The following ABCC4 variants were observed in gnomAD, a reference collection of about 807,000 sequenced individuals.
The protein encoded by ABCC4 is ATP binding cassette subfamily C member 4 (PEL blood group), also known as ATP-binding cassette sub-family C member 4.
Under a neutral mutation model 168.5 loss-of-function variants are expected in ABCC4, and 102 were observed. That is an observed-to-expected ratio of 0.61 (90% CI 0.52 to 0.71). The LOEUF (loss-of-function observed/expected upper bound fraction) is 0.71, where lower values mean the gene tolerates loss of function less well. ABCC4 is among the 30% of genes least tolerant of loss of function. ABCC4 has a pLI of 0.00. For missense variants in ABCC4, 1,402 were observed against 1,605.8 expected, an observed-to-expected ratio of 0.87 and a Z score of 2.17; for synonymous variants, 617 against 590.7, an observed-to-expected ratio of 1.04 and a Z score of -0.65.
At chr13:95,090,155 T>C (rs751455517) in intron 20 of ABCC4, among the ~76,000 whole-genome samples, 16 of 152,086 alleles carry the variant, frequency 1.1e-4, no homozygotes, top group Non-Finnish European at 1.8e-4. Context: ...TGCCTAGCCC[T>C]GCCCCCACCT....
At chr13:95,108,034 C>T (rs967146219) in intron 20 of ABCC4, among the ~76,000 whole-genome samples, 1 of 152,116 alleles carries the variant, frequency 6.6e-6, no homozygotes, top group Non-Finnish European at 1.5e-5. Context: ...TCTCTGGTAC[C>T]TGGGTTTGAG....
intron 3 of ABCC4, among the ~76,000 whole-genome samples, chr13:95,235,749 T>C (rs2039748485): frequency 6.6e-6 from 1 of 152,116 alleles, no homozygotes; most frequent in Non-Finnish European, 1.5e-5. Flanking sequence ...TCCAGGCTCT[T>C]GGACCCACAG....
intron 19 of ABCC4, among the ~76,000 whole-genome samples, chr13:95,140,212 C>T (rs916193223): frequency 3.9e-5 from 6 of 152,200 alleles, no homozygotes; most frequent in Non-Finnish European, 5.9e-5. Flanking sequence ...CGGGGCTCTA[C>T]GTTTCCTCAA....
intron 30 of ABCC4, 107 bp from the exon 31 acceptor site, chr13:95,021,789 T>A: frequency 8.1e-6 from 6 of 744,550 alleles, no homozygotes; most frequent in Non-Finnish European, 6.6e-6. Context: ...GCAAATCATA[T>A]CCCTCACTGA....
At chr13:95,123,803 G>A (rs979907689) in intron 19 of ABCC4, among the ~76,000 whole-genome samples, 4 of 152,220 alleles carry the variant, frequency 2.6e-5, no homozygotes, top group Non-Finnish European at 5.9e-5. Flanking sequence ...CAAGGCAGGC[G>A]GCAATGAGGA....
At chr13:95,273,839 A>T (rs1160152520) in intron 1 of ABCC4, among the ~76,000 whole-genome samples, 1 of 110,286 alleles carries the variant, frequency 9.1e-6, no homozygotes, top group Admixed American at 1.1e-4. Context: ...TTTTTTTGAG[A>T]CGGAGTCTTG....
chr13:95,289,887 G>A (rs768074369), intron 1 of ABCC4, among the ~76,000 whole-genome samples: 6 of 151,718 alleles, frequency 4.0e-5, no homozygotes, highest in Non-Finnish European at 7.4e-5. Flanking sequence ...ACCTGAGGTC[G>A]AGAGTTCGAG....
chr13:95,172,825 G>A (rs543675009), intron 13 of ABCC4, among the ~76,000 whole-genome samples: 3 of 152,136 alleles, frequency 2.0e-5, no homozygotes, highest in Non-Finnish European at 4.4e-5. Flanking sequence ...CCAGCTACTC[G>A]GGAGGATCAC....
intron 8 of ABCC4, among the ~76,000 whole-genome samples, chr13:95,203,396 G>A (rs2038687101): frequency 6.7e-6 from 1 of 150,228 alleles, no homozygotes; most frequent in Non-Finnish European, 1.5e-5. Flanking sequence ...CAGTGCAGTG[G>A]CGTAATCTCG....
chr13:95,283,636 G>A (rs761724207), intron 1 of ABCC4, among the ~76,000 whole-genome samples: 1 of 152,078 alleles, frequency 6.6e-6, no homozygotes, highest in Non-Finnish European at 1.5e-5. Flanking sequence ...TAAGAGAGGG[G>A]GCCAGGCACA....
At chr13:95,290,996 T>TAAAAAAAAAAAA (rs1566605100) in intron 1 of ABCC4, among the ~76,000 whole-genome samples, 3 of 870 alleles carry the variant, frequency 3.4e-3, no homozygotes, top group Non-Finnish European at 5.3e-3. Context: ...AGACCCTGTC[T>TAAAAAAAAAAAA]CAAAAAAAAA....
intron 20 of ABCC4, among the ~76,000 whole-genome samples, chr13:95,087,980 CT>C (rs1193123458): frequency 1.3e-5 from 2 of 152,190 alleles, no homozygotes; most frequent in Non-Finnish European, 2.9e-5. Context: ...TAAACTTGTC[CT>C]TCCCTTGGGA....
intron 3 of ABCC4, among the ~76,000 whole-genome samples, chr13:95,238,072 G>C (rs935484248): frequency 2.6e-5 from 4 of 151,456 alleles, no homozygotes; most frequent in African/African-American, 4.9e-5. Context: ...GCTCGCACCT[G>C]TAATCCCAGC....
At chr13:95,297,277 AAAAGAAAG>A (rs1555342999) in intron 1 of ABCC4, among the ~76,000 whole-genome samples, 57 of 151,778 alleles carry the variant, frequency 3.8e-4, no homozygotes, top group African/African-American at 1.3e-3. Flanking sequence ...ATAAAAAAAA[AAAAGAAAG>A]AAAAAAGAAA....
chr13:95,053,548 A>G (rs1265964143), intron 26 of ABCC4: 3 of 191,680 alleles, frequency 1.6e-5, no homozygotes, highest in Non-Finnish European at 3.3e-5. Context: ...ATTAACTATC[A>G]ATCATGTAAT....
intron 3 of ABCC4, among the ~76,000 whole-genome samples, chr13:95,238,993 G>GA (rs2039854369): frequency 6.6e-6 from 1 of 152,114 alleles, no homozygotes; most frequent in African/African-American, 2.4e-5. Flanking sequence ...GCACAGCAGG[G>GA]AAAATTAAAT....
intron 20 of ABCC4, among the ~76,000 whole-genome samples, chr13:95,109,720 C>A (rs1188197424): frequency 6.6e-6 from 1 of 152,162 alleles, no homozygotes; most frequent in Non-Finnish European, 1.5e-5. Context: ...AGACCTTAAC[C>A]ATTCTCTCCT....
chr13:95,297,709 GC>G (rs1489458282), intron 1 of ABCC4, among the ~76,000 whole-genome samples: 1 of 151,902 alleles, frequency 6.6e-6, no homozygotes, highest in African/African-American at 2.4e-5. Flanking sequence ...GGTGGTTCAT[GC>G]CTGTAATCCC....
At chr13:95,101,384 T>C (rs1475758038) in intron 20 of ABCC4, among the ~76,000 whole-genome samples, 1 of 151,696 alleles carries the variant, frequency 6.6e-6, no homozygotes, top group Non-Finnish European at 1.5e-5. Context: ...GAGGGGTGTG[T>C]AGGGAAGAAA....
Sources: gnomAD v4.1 joint callset for allele counts (sites outside exome capture counted in the v4.1 genomes callset) on GRCh38, gnomAD v4.1.1 for gene constraint, MANE v1.5 for transcripts, NCBI Gene and HGNC (gene_info 2026-07-23, HGNC 2026-07-21) for gene names.